The following BNC1 variants were observed in gnomAD, a reference collection of about 807,000 sequenced individuals.
BNC1 encodes basonuclin zinc finger protein 1, also known as zinc finger protein basonuclin-1.
Under a neutral mutation model 66.5 loss-of-function variants are expected in BNC1, and 8 were observed. The ratio of observed to expected loss-of-function variants is 0.12; its 90% CI spans 0.07 to 0.22. The LOEUF (loss-of-function observed/expected upper bound fraction) is 0.22. Among genes scored for constraint, BNC1 ranks in the 10% least tolerant of loss-of-function variants. The pLI is 1.00. For synonymous variants in BNC1, 454 were observed against 452.6 expected (o/e 1.00, Z -0.04); for missense variants, 1,069 against 1,241.3 (o/e 0.86, Z 2.09).
intron 3 of BNC1, among the ~76,000 whole-genome samples, chr15:83,265,624 T>C (rs542004634): frequency 1.3e-5 from 2 of 152,334 alleles, no homozygotes; most frequent in East Asian, 3.9e-4. Context: ...GTCATAATGC[T>C]ACTCTACATA....
At chr15:83,267,494 C>T (rs1025805303) in intron 2 of BNC1, among the ~76,000 whole-genome samples, 1 of 152,066 alleles carries the variant, frequency 6.6e-6, no homozygotes, top group Non-Finnish European at 1.5e-5. Flanking sequence ...TGGGGCTTAA[C>T]AAATTAACCC....
intron 1 of BNC1, chr15:83,283,131 T>G (rs1430188694): frequency 6.5e-7 from 1 of 1,535,102 alleles, no homozygotes; most frequent in Admixed American, 2.0e-5. Context: ...GCATTCCACT[T>G]AACTGTCAGA....
At chr15:83,258,202 G>T in intron 4 of BNC1, 76 bp from the exon 5 acceptor site, 1 of 1,436,196 alleles carries the variant, frequency 7.0e-7, no homozygotes. Flanking sequence ...GGAGAGACTT[G>T]GTAGATACCA....
rs772578855 is a variant in BNC1, at chr15:83,270,383, CTT to C, written c.100-2153_100-2152del. Among the ~76,000 whole-genome samples the C allele has an allele frequency of 1.5e-4, 23 of 152,314 alleles. No individual in the cohort carries two copies. In the East Asian group the frequency reaches 1.7e-3, roughly 11 times the overall value. On this transcript the variant is annotated intron_variant, in intron 1 of 4. Coordinates refer to ENST00000345382, the MANE Select transcript of BNC1 (RefSeq NM_001717.4). The stretch of plus-strand genomic sequence containing the variant: ...AGAACTACTGGATTGCATAGTAACT[CTT>C]GTTTAATGTTTTAAGAAACTGCCAA...
chr15:83,273,134 T>C (rs1411619044), intron 1 of BNC1, among the ~76,000 whole-genome samples: 8 of 152,226 alleles, frequency 5.3e-5, no homozygotes, highest in Admixed American at 5.2e-4. Context: ...TGGTTCTCCA[T>C]GAGCCCATTT....
intron 1 of BNC1, among the ~76,000 whole-genome samples, chr15:83,274,947 C>T (rs2038305098): frequency 1.3e-5 from 2 of 152,206 alleles, no homozygotes; most frequent in African/African-American, 2.4e-5. Flanking sequence ...TTAATTCCTA[C>T]AACCACTTTC....
At chr15:83,278,821 A>G (rs2038351489) in intron 1 of BNC1, among the ~76,000 whole-genome samples, 1 of 152,220 alleles carries the variant, frequency 6.6e-6, no homozygotes, top group Non-Finnish European at 1.5e-5. Flanking sequence ...CTCAACTCCA[A>G]TTTAAGAATA....
chr15:83,267,635 T>C (rs1336101705), intron 2 of BNC1, among the ~76,000 whole-genome samples: 3 of 152,224 alleles, frequency 2.0e-5, no homozygotes, highest in African/African-American at 7.2e-5. Context: ...AAGTACTCAG[T>C]AGCCACAAGT....
chr15:83,267,132 CA>C (rs941228335), intron 2 of BNC1, 61 bp from the exon 3 acceptor site: 73 of 1,347,592 alleles, frequency 5.4e-5, no homozygotes, highest in Non-Finnish European at 6.4e-5. Context: ...AGAAACACTG[CA>C]AAAAAAAGTA....
chr15:83,278,725 T>C (rs2038350701), intron 1 of BNC1, among the ~76,000 whole-genome samples: 1 of 152,190 alleles, frequency 6.6e-6, no homozygotes, highest in African/African-American at 2.4e-5. Context: ...AGGAGGCCAT[T>C]TGTCTCTGGA....
chr15:83,257,393 C>T lies in BNC1; in HGVS notation c.*49G>A, dbSNP rs868594764. 9.8e-6 allele frequency: 15 copies of T among 1,529,208 alleles called. No individual in the cohort carries two copies. The highest frequency in any genetic ancestry group is 1.3e-5 in the Non-Finnish European group (15 of 1,127,980). The allele number at this position is 1,529,208 out of a possible 1,614,324, so 94.7% of individuals were successfully genotyped here. ...AAACATTTCTATGGACTACTTTATT[C>T]CTGAATTATGAAAAAAGCTTATCTG... is the stretch of plus-strand genomic sequence containing the variant. On this transcript the variant is annotated 3_prime_UTR_variant, in exon 5 of 5. Transcript: ENST00000345382.
At chr15:83,283,147 A>C in intron 1 of BNC1, 1 of 1,535,580 alleles carries the variant, frequency 6.5e-7, no homozygotes, top group South Asian at 1.2e-5. Context: ...TCAGACTCGG[A>C]GCGGTGGCAG....
In BNC1 at chr15:83,263,157, T is replaced by G; in HGVS notation, c.2094A>C (p.Glu698Asp). 2 of 1,614,228 alleles carry G rather than the reference T, an allele frequency of 1.2e-6. No homozygotes were observed. Among genetic ancestry groups the G allele is most frequent in the Non-Finnish European group, 1.7e-6 (2 of 1,180,050 alleles). The change falls in exon 4 of 5, where the codon GAA becomes GAC. Residue 698 changes from glutamate to aspartate, a missense_variant. Glu to Asp is a conservative substitution (Grantham distance 45, BLOSUM62 2). Coordinates refer to ENST00000345382, the MANE Select transcript of BNC1 (RefSeq NM_001717.4). ...CCACGTGCTCCAGTTCTTTAGAATC[T>G]TCAAGACAAGGAAAAGCCATTCCCC... is the stretch of plus-strand genomic sequence containing the variant. ...SNRGMAFPCLEDSKELEHVGQ... is the reference protein window; with the variant it reads ...SNRGMAFPCLDDSKELEHVGQ...
Position 83,268,217 on chromosome 15 carries a change from G to C in BNC1, c.115C>G (p.Leu39Val). ...RRMAEAISCT[L>V]NCSCQSFKPG... Reference sequence around the variant, plus strand: ...TTGAAACTTTGGCAACTACAGTTCAGAGTACAGCTGATAGCCTGAAAAAGA... The same window carrying C: ...TTGAAACTTTGGCAACTACAGTTCACAGTACAGCTGATAGCCTGAAAAAGA... Residue 39 changes from leucine (L) to valine (V), a missense_variant, in exon 2 of 5, where the codon CTG (leucine) becomes GTG (valine). Transcript: ENST00000345382. 6.2e-7 allele frequency: 1 copy of C among 1,614,054 alleles called. No homozygotes were observed.
intron 1 of BNC1, chr15:83,283,383 C>G (rs932628826): frequency 7.5e-7 from 1 of 1,333,116 alleles, no homozygotes. Flanking sequence ...CGGGAGACCC[C>G]GCAGCGGCCT....
In BNC1 at chr15:83,284,261, C is replaced by T. The variant is rs535437543; in HGVS notation, c.99+269G>A. Among the ~76,000 whole-genome samples, 14 of 152,198 alleles carry T rather than the reference C, an allele frequency of 9.2e-5. No individual in the cohort carries two copies. The South Asian group carries it at 2.9e-3, about 32-fold the overall frequency. ...GGCTGGCCCGCCGGCACCTCCGACGCGCCCGCAGATCCGGCGCGGAGACCG... is the reference window on the plus strand; with the variant it reads ...GGCTGGCCCGCCGGCACCTCCGACGTGCCCGCAGATCCGGCGCGGAGACCG... On this transcript the variant is annotated intron_variant, in intron 1 of 4. Coordinates refer to ENST00000345382, the MANE Select transcript of BNC1 (RefSeq NM_001717.4).
chr15:83,278,837 G>A (rs1417447694), intron 1 of BNC1, among the ~76,000 whole-genome samples: 1 of 152,124 alleles, frequency 6.6e-6, no homozygotes, highest in African/African-American at 2.4e-5. Flanking sequence ...GAATATACAG[G>A]AGATACAGGA....
intron 1 of BNC1, among the ~76,000 whole-genome samples, chr15:83,270,733 G>A (rs1329278953): frequency 1.3e-5 from 2 of 151,986 alleles, no homozygotes; most frequent in Non-Finnish European, 2.9e-5. Flanking sequence ...TTAGATATAC[G>A]TGCATTACCA....
chr15:83,264,830 G>C lies in BNC1; in HGVS notation c.436-15C>G. 7.5e-6 allele frequency: 12 copies of C among 1,605,000 alleles called. No homozygotes were observed. The highest frequency in any genetic ancestry group is 1.0e-5 in the Non-Finnish European group (12 of 1,175,360). The stretch of plus-strand genomic sequence containing the variant: ...CCTGATGCATCCTAAACCCAAACCA[G>C]ATGTTAGAAGTGTGATCAATTTACA... On this transcript the variant is annotated splice_polypyrimidine_tract_variant and intron_variant, in intron 3 of 4. Coordinates refer to ENST00000345382, the MANE Select transcript of BNC1 (RefSeq NM_001717.4).
Sources: allele counts gnomAD v4.1 joint callset (sites outside exome capture counted in the v4.1 genomes callset), GRCh38; gene constraint gnomAD v4.1.1; transcripts MANE v1.5; gene names NCBI Gene and HGNC (gene_info 2026-07-23, HGNC 2026-07-21).